The following FADS2 variants were observed in gnomAD, a reference collection of about 807,000 sequenced individuals.
The protein encoded by FADS2 is fatty acid desaturase 2.
A neutral mutation model predicts 61.2 loss-of-function variants in FADS2; 18 were observed. That is an observed-to-expected ratio of 0.29 (90% CI 0.20 to 0.44). The LOEUF (loss-of-function observed/expected upper bound fraction) is 0.44. Ranked by LOEUF, FADS2 falls within the 20% of genes least tolerant of loss-of-function variation. The pLI is 1.00. For missense variants in FADS2, 322 were observed against 572.7 expected, an observed-to-expected ratio of 0.56 and a Z score of 4.47; for synonymous variants, 203 against 223.9, an observed-to-expected ratio of 0.91 and a Z score of 0.83.
intron 7 of FADS2, among the ~76,000 whole-genome samples, chr11:61,858,274 G>A (rs1339510797): frequency 6.6e-6 from 1 of 151,984 alleles, no homozygotes; most frequent in Non-Finnish European, 1.5e-5. Flanking sequence ...TACCTCCTGG[G>A]TGCAAGCAAT....
upstream of FADS2, among the ~76,000 whole-genome samples, chr11:61,826,894 T>A (rs1285095438): frequency 6.6e-6 from 1 of 152,158 alleles, no homozygotes; most frequent in Non-Finnish European, 1.5e-5. Context: ...TCTCTCTCAA[T>A]CTCAGGCTCT....
chr11:61,852,379 GCCTC>G (rs990726736), intron 5 of FADS2, among the ~76,000 whole-genome samples: 1 of 152,166 alleles, frequency 6.6e-6, no homozygotes, highest in Admixed American at 6.6e-5. Flanking sequence ...TTCTGCCTCA[GCCTC>G]CCGAGTAGCT....
Position 61,848,619 on chromosome 11 carries a change from G to A in FADS2, c.744+335G>A, listed in dbSNP as rs188158493. On this transcript the variant is annotated intron_variant, in intron 5 of 11. Coordinates refer to ENST00000278840, the MANE Select transcript of FADS2 (RefSeq NM_004265.4). ...TACAGACACAGCTCCTCATTAGAAT[G>A]GTAGATGTCTCCCTCCTACCCTTAG... is the stretch of plus-strand genomic sequence containing the variant. The A allele has an allele frequency of 2.5e-3, 622 of 247,634 alleles. 2 individuals are homozygous for A. Among genetic ancestry groups the A allele is most frequent in the Non-Finnish European group, 4.0e-3 (499 of 126,294 alleles). 15.3% of individuals were successfully genotyped at this position (247,634 alleles called of 1,614,324 possible).
chr11:61,857,656 T>C, intron 7 of FADS2, 126 bp downstream of exon 7: 1 of 729,762 alleles, frequency 1.4e-6, no homozygotes, highest in Non-Finnish European at 2.4e-6. Flanking sequence ...ATCTCCTCCC[T>C]GGGGTAGCTG....
At chr11:61,857,388 TC>T (rs2135975659) in intron 6 of FADS2, 65 bp from the exon 7 acceptor site, 1 of 1,448,208 alleles carries the variant, frequency 6.9e-7, no homozygotes. Flanking sequence ...GGGCCTGGGT[TC>T]CCCTGACCTT....
chr11:61,847,871 G>T, intron 4 of FADS2: 1 of 389,070 alleles, frequency 2.6e-6, no homozygotes, highest in South Asian at 2.4e-5. Flanking sequence ...TGCCACACCT[G>T]CTGGAGCGCT....
chr11:61,821,851 A>G (rs1456778470), intron 1 of FADS2, among the ~76,000 whole-genome samples: 1 of 152,230 alleles, frequency 6.6e-6, no homozygotes, highest in Admixed American at 6.5e-5. Context: ...TCATACCTCT[A>G]TTAGAGGCAG....
Position 61,816,371 on chromosome 11 carries a change from C to T in FADS2, c.86C>T (p.Ala29Val). Residue 29 changes from alanine to valine, a missense_variant, in exon 1 of 12, where the codon GCC becomes GTC. Ala to Val is a moderately conservative substitution (Grantham distance 64). Coordinates refer to the FADS2 transcript ENST00000257261. The surrounding 1 kb of genome is among the most constrained non-coding windows in gnomAD (Gnocchi z 7.0). The stretch of plus-strand genomic sequence containing the variant: ...ACTCCCCAGACTCCACTTCTCCAGG[C>T]CTCTCTCCCGCCTTTTCATCCCGCA... 1 of 1,598,460 alleles carries T rather than the reference C, an allele frequency of 6.3e-7. No individual in the cohort carries two copies. Among genetic ancestry groups the T allele is most frequent in the Non-Finnish European group, 8.5e-7 (1 of 1,179,806 alleles).
At chr11:61,861,474 C>T (rs543659302) in intron 7 of FADS2, among the ~76,000 whole-genome samples, 1 of 151,862 alleles carries the variant, frequency 6.6e-6, no homozygotes, top group South Asian at 2.1e-4. Context: ...AAAGCAAGAT[C>T]CCATCTCCAA....
At chr11:61,852,589 G>A (rs989642283) in intron 5 of FADS2, among the ~76,000 whole-genome samples, 1 of 152,064 alleles carries the variant, frequency 6.6e-6, no homozygotes, top group Non-Finnish European at 1.5e-5. Flanking sequence ...TATGTCTCAT[G>A]GATGTTTCTT....
chr11:61,847,412 A>C (rs1262513053), intron 4 of FADS2: 1 of 151,970 alleles, frequency 6.6e-6, no homozygotes, highest in African/African-American at 2.4e-5. Flanking sequence ...GCCCTACACA[A>C]CTGCTCAGCT....
At position 61,865,318 on chromosome 11, in the gene FADS2, C is replaced by T. The variant is rs1201831273; in HGVS notation, c.1283+41C>T. The T allele has an allele frequency of 6.2e-7, 1 of 1,605,906 alleles. No individual in the cohort carries two copies. Among genetic ancestry groups the T allele is most frequent in the Non-Finnish European group, 8.5e-7 (1 of 1,176,868 alleles). ...CCACAGGCGCTGGGCCCTGGGATCA[C>T]CCGTGGTGCAGACAGTGGGATCACA... On this transcript the variant is annotated intron_variant, in intron 11 of 11. Transcript: ENST00000278840. This position sits in a 1 kb window ranked among gnomAD's most constrained non-coding sequence, Gnocchi z 4.1.
chr11:61,825,165 C>T (rs2067073214), upstream of FADS2, among the ~76,000 whole-genome samples: 1 of 152,198 alleles, frequency 6.6e-6, no homozygotes, highest in South Asian at 2.1e-4. Flanking sequence ...TTTTTCACCC[C>T]TGTACTAACT....
chr11:61,849,311 C>G (rs2067286908), intron 5 of FADS2, among the ~76,000 whole-genome samples: 1 of 152,184 alleles, frequency 6.6e-6, no homozygotes, highest in African/African-American at 2.4e-5. Context: ...CATTTTATTA[C>G]TACAAATATA....
At chr11:61,836,110 T>A (rs1260840927) in intron 1 of FADS2, among the ~76,000 whole-genome samples, 1 of 152,228 alleles carries the variant, frequency 6.6e-6, no homozygotes, top group Non-Finnish European at 1.5e-5. Context: ...TGTTTGTTTG[T>A]TTTTTGAGTC....
intron 7 of FADS2, among the ~76,000 whole-genome samples, chr11:61,859,975 A>G (rs1030856600): frequency 1.3e-5 from 2 of 152,134 alleles, no homozygotes; most frequent in African/African-American, 4.8e-5. Flanking sequence ...CTTGTTCCCT[A>G]AGGAACAAAG....
At chr11:61,819,126 G>C (rs778890206) in intron 1 of FADS2, among the ~76,000 whole-genome samples, 5 of 151,940 alleles carry the variant, frequency 3.3e-5, no homozygotes, top group Non-Finnish European at 7.4e-5. Context: ...TGCCCGCCTC[G>C]GCCTCCCAAA....
intron 7 of FADS2, chr11:61,862,570 G>T (rs78825293): frequency 0.014 from 3,351 of 236,290 alleles, 131 homozygotes; most frequent in African/African-American, 0.073. Context: ...GGAGATGCCA[G>T]GAGGAGACCC....
intron 1 of FADS2, among the ~76,000 whole-genome samples, chr11:61,835,456 C>T (rs1250828259): frequency 4.6e-5 from 7 of 150,714 alleles, no homozygotes; most frequent in Admixed American, 1.3e-4. Context: ...TGCAGTGGCA[C>T]GATCTCAGCT....
Sources: allele counts gnomAD v4.1 joint callset (sites outside exome capture counted in the v4.1 genomes callset), GRCh38; gene constraint gnomAD v4.1.1; non-coding constraint Gnocchi (gnomAD v3.1); transcripts MANE v1.5; gene names NCBI Gene and HGNC (gene_info 2026-07-23, HGNC 2026-07-21).